Variants in ASH1L observed in about 807,000 individuals in gnomAD.
ASH1L encodes the protein ASH1 like histone lysine methyltransferase, also known as histone-lysine N-methyltransferase ASH1L.
ASH1L carries 23 observed loss-of-function variants against 269.0 expected under a neutral mutation model. That is an observed-to-expected ratio of 0.09 (90% confidence interval 0.06 to 0.12). The LOEUF (loss-of-function observed/expected upper bound fraction) is 0.12. ASH1L is among the 10% of genes least tolerant of loss of function. The probability of loss-of-function intolerance (pLI) is 1.00; values close to 1 mark genes in which losing one functional copy is unlikely to be tolerated. For missense variants in ASH1L, 2,912 were observed against 3,567.8 expected (o/e 0.82, Z 4.68); for synonymous variants, 1,187 against 1,253.5 (o/e 0.95, Z 1.12).
Position 155,398,652 on chromosome 1 carries a change from T to A in ASH1L, c.6009-3099A>T, listed in dbSNP as rs533686128. Among the ~76,000 whole-genome samples, 7 of 152,256 alleles carry A rather than the reference T, an allele frequency of 4.6e-5. No homozygotes were observed. The East Asian group carries it at 1.3e-3, about 29-fold the overall frequency. ...TTACTGTACATTGTACAAAAAAATG[T>A]ACAAAAAAGCCAAAATGCTAGGAAA... On this transcript the variant is annotated intron_variant, in intron 6 of 27. Coordinates refer to ENST00000392403, the MANE Select transcript of ASH1L (RefSeq NM_018489.3).
Position 155,538,780 on chromosome 1 carries a change from C to A in ASH1L, c.-99-17162G>T, listed in dbSNP as rs558186977. Among the ~76,000 whole-genome samples the A allele has an allele frequency of 3.3e-5, 5 of 151,930 alleles. No homozygotes were observed. In the East Asian group the frequency reaches 9.7e-4, roughly 29 times the overall value. ...ACCTCAGCTTCCCAAGTAATAGGGACCATAGGCATGTGCCACTGCACCTGG... is the reference window on the plus strand; with the variant it reads ...ACCTCAGCTTCCCAAGTAATAGGGAACATAGGCATGTGCCACTGCACCTGG... On this transcript the variant is annotated intron_variant, in intron 1 of 27. Transcript: ENST00000392403.
chr1:155,360,616 G>A (rs544154780), intron 12 of ASH1L, among the ~76,000 whole-genome samples: 45 of 150,636 alleles, frequency 3.0e-4, no homozygotes, highest in African/African-American at 1.1e-3. Context: ...GCTAATTTTT[G>A]TATTTTTAGT....
intron 2 of ASH1L, among the ~76,000 whole-genome samples, chr1:155,492,831 T>C (rs901513850): frequency 6.6e-6 from 1 of 152,032 alleles, no homozygotes; most frequent in African/African-American, 2.4e-5. Context: ...AAAATTCACC[T>C]TGTTTTTGTT....
At chr1:155,548,351 G>A (rs1670970559) in intron 1 of ASH1L, among the ~76,000 whole-genome samples, 1 of 152,076 alleles carries the variant, frequency 6.6e-6, no homozygotes, top group Non-Finnish European at 1.5e-5. Context: ...GTAAAACCCT[G>A]TCTCTACTAA....
chr1:155,395,208 T>C (rs1013193149), intron 7 of ASH1L, among the ~76,000 whole-genome samples: 12 of 152,270 alleles, frequency 7.9e-5, no homozygotes, highest in African/African-American at 2.4e-4. Flanking sequence ...GCTAGGATTA[T>C]AGGCATGAGC....
chr1:155,356,974 C>A (rs1232108483), intron 15 of ASH1L, among the ~76,000 whole-genome samples: 1 of 149,440 alleles, frequency 6.7e-6, no homozygotes, highest in African/African-American at 2.5e-5. Flanking sequence ...CATGTGCCTG[C>A]AGCCCCAGCT....
At chr1:155,346,224 C>G (rs1653302681) in intron 21 of ASH1L, 159 bp downstream of exon 21, 3 of 1,544,264 alleles carry the variant, frequency 1.9e-6, no homozygotes, top group South Asian at 2.3e-5. Context: ...TAGGGAAGAA[C>G]AGAATTATGA....
Position 155,359,336 on chromosome 1 carries a change from T to C in ASH1L, c.6795+965A>G, listed in dbSNP as rs187528531. ...TCTCGCTCTGTCGCCCAGGATGGAG[T>C]GCATTGGCGCGATCTCTGCAACCTC... On this transcript the variant is annotated intron_variant, in intron 13 of 27. Coordinates refer to ENST00000392403, the MANE Select transcript of ASH1L (RefSeq NM_018489.3). Among the ~76,000 whole-genome samples the C allele has an allele frequency of 4.2e-4, 64 of 152,116 alleles. 1 individual carries two copies. The highest frequency in any genetic ancestry group is 1.6e-3 in the Admixed American group (25 of 15,276).
intron 2 of ASH1L, among the ~76,000 whole-genome samples, chr1:155,510,917 A>T (rs1386444866): frequency 6.6e-6 from 1 of 152,204 alleles, no homozygotes; most frequent in African/African-American, 2.4e-5. Flanking sequence ...ACTTTTATAT[A>T]GCAAAATATT....
intron 1 of ASH1L, among the ~76,000 whole-genome samples, chr1:155,549,376 G>A (rs187591325): frequency 5.3e-5 from 8 of 152,182 alleles, no homozygotes; most frequent in East Asian, 3.9e-4. Flanking sequence ...AGTGGCTCAC[G>A]CCTGTAATCC....
intron 12 of ASH1L, among the ~76,000 whole-genome samples, chr1:155,360,845 G>GCTAA (rs1654879060): frequency 6.6e-6 from 1 of 152,126 alleles, no homozygotes; most frequent in African/African-American, 2.4e-5. Context: ...TTGTCAATTA[G>GCTAA]GCTTCAACTT....
intron 5 of ASH1L, among the ~76,000 whole-genome samples, chr1:155,424,744 T>C (rs576087887): frequency 6.6e-6 from 1 of 152,318 alleles, no homozygotes; most frequent in East Asian, 1.9e-4. Context: ...TGTATGTCTT[T>C]GTTTACATTT....
rs1342890553 is a variant in ASH1L, at chr1:155,415,684, A to G, written c.6008+60T>C. ...GAATCTATATTGTTTTTTGATAGTC[A>G]AAGTATTTTTCCAAATGTGGAAGAA... On this transcript the variant is annotated intron_variant, in intron 6 of 27. Transcript: ENST00000392403. 19 of 1,539,270 alleles carry G rather than the reference A, an allele frequency of 1.2e-5. No individual in the cohort carries two copies. In the East Asian group the frequency reaches 3.9e-4, roughly 31 times the overall value.
intron 3 of ASH1L, among the ~76,000 whole-genome samples, chr1:155,460,501 G>A (rs1021874967): frequency 3.9e-5 from 6 of 152,178 alleles, no homozygotes; most frequent in African/African-American, 4.8e-5. Context: ...CCAGCTACTC[G>A]AGAGGCTGAG....
intron 3 of ASH1L, among the ~76,000 whole-genome samples, chr1:155,463,792 TTAA>T (rs1053452588): frequency 6.6e-6 from 1 of 151,570 alleles, no homozygotes. Flanking sequence ...GACCCTTGCC[TTAA>T]TAATAATAAT....
At chr1:155,547,900 C>G (rs1022760950) in intron 1 of ASH1L, among the ~76,000 whole-genome samples, 3 of 152,074 alleles carry the variant, frequency 2.0e-5, no homozygotes, top group Non-Finnish European at 4.4e-5. Context: ...GGCGTGAACC[C>G]GGAAGGTGGA....
At chr1:155,357,807 G>A in intron 13 of ASH1L, 58 bp from the exon 14 acceptor site, 2 of 1,489,406 alleles carry the variant, frequency 1.3e-6, no homozygotes, top group Non-Finnish European at 1.8e-6. Flanking sequence ...GGTCTTTCCT[G>A]TCACTCAGGC....
At chr1:155,372,555 C>T (rs1480346148) in intron 10 of ASH1L, among the ~76,000 whole-genome samples, 1 of 151,860 alleles carries the variant, frequency 6.6e-6, no homozygotes, top group Non-Finnish European at 1.5e-5. Context: ...GTGATCCGCC[C>T]ACCTCAGCCT....
chr1:155,457,581 G>C (rs1663954414), intron 4 of ASH1L, among the ~76,000 whole-genome samples: 1 of 152,070 alleles, frequency 6.6e-6, no homozygotes, highest in African/African-American at 2.4e-5. Flanking sequence ...CATTTCAAGT[G>C]GTTAGTGCTT....
Sources: allele counts gnomAD v4.1 joint callset (sites outside exome capture counted in the v4.1 genomes callset), GRCh38; gene constraint gnomAD v4.1.1; transcripts MANE v1.5; gene names NCBI Gene and HGNC (gene_info 2026-07-23, HGNC 2026-07-21).